Variants in CYYR1 observed in about 807,000 individuals in gnomAD.
CYYR1 encodes the protein cysteine and tyrosine-rich protein 1.
In CYYR1, 14 loss-of-function variants were observed where a neutral mutation model predicts 15.2. That is an observed-to-expected ratio of 0.92 (90% CI 0.61 to 1.44). The LOEUF (loss-of-function observed/expected upper bound fraction) is 1.44. Among genes scored for constraint, CYYR1 ranks in the 40% most tolerant of loss-of-function variants. The probability of loss-of-function intolerance (pLI) is 0.00; values close to 1 mark genes in which losing one functional copy is unlikely to be tolerated. For missense variants in CYYR1, 228 were observed against 209.5 expected (o/e 1.09, Z -0.54); for synonymous variants, 80 against 77.4 (o/e 1.03, Z -0.18).
chr21:26,509,169 C>T (rs1015072965), intron 2 of CYYR1, among the ~76,000 whole-genome samples: 2 of 152,170 alleles, frequency 1.3e-5, no homozygotes, highest in African/African-American at 4.8e-5. Context: ...GTCTCTCTAA[C>T]CTCATTGCTC....
chr21:26,533,439 G>A (rs2123614671), intron 2 of CYYR1, among the ~76,000 whole-genome samples: 1 of 152,090 alleles, frequency 6.6e-6, no homozygotes, highest in Non-Finnish European at 1.5e-5. Context: ...TCAAAGATCT[G>A]AGAACAAAGA....
chr21:26,485,574 T>C lies in CYYR1; in HGVS notation c.177-5145A>G, dbSNP rs2065238695. ...CAAGAAGATTATACAAATGGAATCA[T>C]ACAGCATGTGAGTTTTGGAGATAGT... On this transcript the variant is annotated intron_variant, in intron 2 of 3. Transcript: ENST00000652641. 2.0e-5 allele frequency among the ~76,000 whole-genome samples: 3 copies of C among 152,254 alleles called. No homozygotes were observed. In the South Asian group the frequency reaches 6.2e-4, roughly 32 times the overall value.
intron 2 of CYYR1, among the ~76,000 whole-genome samples, chr21:26,500,260 G>A (rs1188375857): frequency 6.6e-6 from 1 of 152,158 alleles, no homozygotes; most frequent in African/African-American, 2.4e-5. Context: ...GATATGGGCT[G>A]CAATATATAA....
At chr21:26,565,548 C>T (rs1471465972) in intron 2 of CYYR1, among the ~76,000 whole-genome samples, 1 of 152,168 alleles carries the variant, frequency 6.6e-6, no homozygotes, top group East Asian at 1.9e-4. Context: ...GAGGAATTGA[C>T]AAGTGCACAC....
At chr21:26,508,910 G>A (rs992437674) in intron 2 of CYYR1, among the ~76,000 whole-genome samples, 14 of 152,176 alleles carry the variant, frequency 9.2e-5, no homozygotes, top group Admixed American at 7.9e-4. Context: ...CACGAGCATT[G>A]GTTTAGTGAG....
chr21:26,480,546 G>A (rs1197452867), intron 2 of CYYR1, 117 bp from the exon 3 acceptor site: 2 of 1,069,068 alleles, frequency 1.9e-6, no homozygotes, highest in African/African-American at 1.7e-5. Context: ...TAAGGATAAT[G>A]TGTGTGTGTT....
At chr21:26,501,084 A>G (rs1229437071) in intron 2 of CYYR1, among the ~76,000 whole-genome samples, 1 of 152,194 alleles carries the variant, frequency 6.6e-6, no homozygotes, top group Non-Finnish European at 1.5e-5. Context: ...TTACGCCTGT[A>G]ATCCCAGCAC....
intron 2 of CYYR1, among the ~76,000 whole-genome samples, chr21:26,508,551 G>A (rs1457959748): frequency 6.6e-6 from 1 of 152,078 alleles, no homozygotes; most frequent in Non-Finnish European, 1.5e-5. Context: ...AATACAGTGG[G>A]CACAAATTCT....
chr21:26,513,039 C>T (rs748380722), intron 2 of CYYR1, among the ~76,000 whole-genome samples: 19 of 152,184 alleles, frequency 1.2e-4, no homozygotes, highest in Non-Finnish European at 2.2e-4. Flanking sequence ...ATTTACCTAC[C>T]TCTGTGTCTT....
chr21:26,564,880 T>A (rs150470878), intron 2 of CYYR1: 21,289 of 1,080,374 alleles, frequency 0.02, 260 homozygotes, highest in Middle Eastern at 0.025. Context: ...TAATAATATA[T>A]TTTGTTACTT....
chr21:26,565,486 T>C (rs1283188942), intron 2 of CYYR1, among the ~76,000 whole-genome samples: 1 of 152,136 alleles, frequency 6.6e-6, no homozygotes, highest in East Asian at 1.9e-4. Flanking sequence ...CTCAAGAAAT[T>C]CTTATGTTCC....
In CYYR1 at chr21:26,480,405, A is replaced by G. The variant is rs966410; in HGVS notation, c.201T>C (p.Val67=). 0.45 allele frequency: 724,136 copies of G among 1,611,514 alleles called. 165,393 individuals are homozygous for G. The highest frequency in any genetic ancestry group is 0.57 in the African/African-American group (42,653 of 74,756). ...ILSGTAIAGI[V]FGIVFIMGVI... ...CCCCCATGATAAATACTATTCCAAAAACAATGCCCGCAATTGCAGTGCCCC... is the reference window on the plus strand; with the variant it reads ...CCCCCATGATAAATACTATTCCAAAGACAATGCCCGCAATTGCAGTGCCCC... Residue 67 remains valine, a synonymous_variant, in exon 3 of 4, where the codon GTT becomes GTC. Coordinates refer to ENST00000652641, the MANE Select transcript of CYYR1 (RefSeq NM_001320768.2).
chr21:26,566,806 T>A (rs1980655275), intron 1 of CYYR1, among the ~76,000 whole-genome samples: 1 of 152,082 alleles, frequency 6.6e-6, no homozygotes, highest in Non-Finnish European at 1.5e-5. Flanking sequence ...GTCAGGAGTC[T>A]GAGACCAGCC....
intron 2 of CYYR1, among the ~76,000 whole-genome samples, chr21:26,515,751 T>G (rs1826713910): frequency 6.6e-6 from 1 of 152,208 alleles, no homozygotes; most frequent in South Asian, 2.1e-4. Context: ...AGTTTGCACT[T>G]ATCCTTTTTC....
chr21:26,558,537 C>T (rs924813848), intron 2 of CYYR1, among the ~76,000 whole-genome samples: 1 of 152,034 alleles, frequency 6.6e-6, no homozygotes, highest in East Asian at 1.9e-4. Context: ...CTAGGGTGAC[C>T]AATGTGTCTC....
chr21:26,519,515 C>G (rs1056786514), intron 2 of CYYR1, among the ~76,000 whole-genome samples: 7 of 152,086 alleles, frequency 4.6e-5, no homozygotes, highest in African/African-American at 1.7e-4. Context: ...AATGGCAGGA[C>G]ATGAGGTCAG....
rs1296905493 is a variant in CYYR1, at chr21:26,564,582, C to T, written c.176+1684G>A. On this transcript the variant is annotated intron_variant, in intron 2 of 3. Coordinates refer to ENST00000652641, the MANE Select transcript of CYYR1 (RefSeq NM_001320768.2). Reference sequence around the variant, plus strand: ...TGTGAACTTCACTGCAAATGTAAATCATATCAAGTACATCTATAAATTCAA... The same window carrying T: ...TGTGAACTTCACTGCAAATGTAAATTATATCAAGTACATCTATAAATTCAA... 5.6e-6 allele frequency: 4 copies of T among 715,110 alleles called. No homozygotes were observed. In the African/African-American group the frequency reaches 7.7e-5, roughly 14 times the overall value. The allele number at this position is 715,110 out of a possible 1,614,324, so 44.3% of individuals were successfully genotyped here.
chr21:26,494,917 G>C (rs1278070341), intron 2 of CYYR1, among the ~76,000 whole-genome samples: 1 of 152,156 alleles, frequency 6.6e-6, no homozygotes, highest in Non-Finnish European at 1.5e-5. Flanking sequence ...ATTTATGCCA[G>C]GGTTGAGCCA....
In CYYR1 at chr21:26,563,562, A is replaced by G. The variant is rs187675131; in HGVS notation, c.176+2704T>C. On this transcript the variant is annotated intron_variant, in intron 2 of 3. Transcript: ENST00000652641. ...ACTCCAGCCTGGGTGACAGAATGAGACTCTGTCTCAAAAATAAATAAATAA... is the reference window on the plus strand; with the variant it reads ...ACTCCAGCCTGGGTGACAGAATGAGGCTCTGTCTCAAAAATAAATAAATAA... 4.5e-4 allele frequency among the ~76,000 whole-genome samples: 68 copies of G among 152,228 alleles called. No homozygotes were observed. In the South Asian group the frequency reaches 0.013, roughly 29 times the overall value.
Sources: gnomAD v4.1 joint callset for allele counts (sites outside exome capture counted in the v4.1 genomes callset) on GRCh38, gnomAD v4.1.1 for gene constraint, MANE v1.5 for transcripts, NCBI Gene and HGNC (gene_info 2026-07-23, HGNC 2026-07-21) for gene names.